Variants in DLG2 observed in about 807,000 individuals in gnomAD.
DLG2 encodes the protein discs large MAGUK scaffold protein 2, also known as disks large homolog 2.
A neutral mutation model predicts 132.5 loss-of-function variants in DLG2; 45 were observed. The ratio of observed to expected loss-of-function variants is 0.34; its 90% confidence interval spans 0.27 to 0.44. The LOEUF is 0.44. Ranked by LOEUF, DLG2 falls within the 20% of genes least tolerant of loss-of-function variation. The pLI, the probability that DLG2 is intolerant of heterozygous loss-of-function variation, is 1.00. For missense variants in DLG2, 1,045 were observed against 1,196.9 expected, an observed-to-expected ratio of 0.87 and a Z score of 1.87; for synonymous variants, 424 against 419.6, an observed-to-expected ratio of 1.01 and a Z score of -0.13.
intron 14 of DLG2, among the ~76,000 whole-genome samples, chr11:83,940,720 CTG>C (rs897325415): frequency 1.3e-5 from 2 of 152,186 alleles, no homozygotes; most frequent in African/African-American, 4.8e-5. Flanking sequence ...AGGAAACAAA[CTG>C]TGATTCTCAC....
intron 7 of DLG2, among the ~76,000 whole-genome samples, chr11:84,414,725 A>C (rs74448840): frequency 0.02 from 2,981 of 152,300 alleles, 29 homozygotes; most frequent in Non-Finnish European, 0.023. Flanking sequence ...ATTTACAAAC[A>C]ATCTCCCAAC....
At chr11:84,711,761 C>T (rs377192682) in intron 6 of DLG2, among the ~76,000 whole-genome samples, 1 of 151,968 alleles carries the variant, frequency 6.6e-6, no homozygotes, top group African/African-American at 2.4e-5. Context: ...GGACAATCTG[C>T]TTTATTGGGT....
chr11:84,451,493 C>A (rs10898237), intron 7 of DLG2, among the ~76,000 whole-genome samples: 58,108 of 151,666 alleles, frequency 0.38, 14,440 homozygotes, highest in African/African-American at 0.71. Context: ...AAAATGAAAG[C>A]GTTCATGATA....
intron 17 of DLG2, among the ~76,000 whole-genome samples, chr11:83,809,088 G>A (rs1030792946): frequency 3.9e-5 from 6 of 152,014 alleles, no homozygotes; most frequent in South Asian, 2.1e-4. Context: ...TTGATTTATC[G>A]TGCTTTATTG....
rs2086521008 is a variant in DLG2 at position 83,715,673 on chromosome 11, T to C, written c.1825+71017A>G. ...CTTCAGACTAAAAATCAAACTCAAC[T>C]GGGCATAACGATTGTTCCGTGATCC... On this transcript the variant is annotated intron_variant, in intron 18 of 27. Transcript: ENST00000376104. Among the ~76,000 whole-genome samples the C allele has an allele frequency of 3.3e-5, 5 of 152,202 alleles. No homozygotes were observed. The South Asian group carries it at 1.0e-3, about 31-fold the overall frequency.
At chr11:84,776,978 T>A (rs979208286) in intron 6 of DLG2, among the ~76,000 whole-genome samples, 1 of 152,072 alleles carries the variant, frequency 6.6e-6, no homozygotes, top group Non-Finnish European at 1.5e-5. Context: ...TCAGGGCTTT[T>A]AGGGTATCCA....
At chr11:84,501,289 G>T (rs2099204089) in intron 7 of DLG2, among the ~76,000 whole-genome samples, 1 of 152,214 alleles carries the variant, frequency 6.6e-6, no homozygotes, top group African/African-American at 2.4e-5. Context: ...AGTAGGCCAG[G>T]CTCAGTGGCT....
chr11:83,635,682 T>A (rs939887859), intron 18 of DLG2, among the ~76,000 whole-genome samples: 1 of 152,182 alleles, frequency 6.6e-6, no homozygotes, highest in African/African-American at 2.4e-5. Flanking sequence ...TTTAATAGTG[T>A]AATTTGGATA....
rs536322508 is a variant in DLG2, at chr11:84,765,078, T to C, written c.358-230347A>G. 7.9e-5 allele frequency among the ~76,000 whole-genome samples: 12 copies of C among 152,274 alleles called. No homozygotes were observed. In the South Asian group the frequency reaches 2.5e-3, roughly 32 times the overall value. ...TGTACCTTTCATATTATTTATTGTA[T>C]ATTACCTTTTAGTATAAATTTAAAC... On this transcript the variant is annotated intron_variant, in intron 6 of 27. Transcript: ENST00000376104.
chr11:84,533,014 A>C (rs927030842), intron 7 of DLG2, among the ~76,000 whole-genome samples: 9 of 152,194 alleles, frequency 5.9e-5, no homozygotes, highest in African/African-American at 1.9e-4. Flanking sequence ...TCTGATTCCT[A>C]AACAGGACCT....
chr11:83,514,649 T>C (rs1371105967), intron 21 of DLG2, among the ~76,000 whole-genome samples: 1 of 152,212 alleles, frequency 6.6e-6, no homozygotes, highest in Non-Finnish European at 1.5e-5. Context: ...CCATTCAGTA[T>C]GATATTGGCT....
chr11:85,349,474 C>T (rs1224925683), intron 3 of DLG2, among the ~76,000 whole-genome samples: 1 of 151,948 alleles, frequency 6.6e-6, no homozygotes, highest in African/African-American at 2.4e-5. Flanking sequence ...AGGTTTGATA[C>T]ATAGGTATAC....
intron 3 of DLG2, among the ~76,000 whole-genome samples, chr11:85,314,828 A>G (rs1354776978): frequency 6.6e-6 from 1 of 152,006 alleles, no homozygotes; most frequent in Non-Finnish European, 1.5e-5. Context: ...GGGAGAAAGG[A>G]GAGATACATT....
intron 6 of DLG2, among the ~76,000 whole-genome samples, chr11:84,840,463 C>G (rs2080481963): frequency 6.6e-6 from 1 of 152,120 alleles, no homozygotes; most frequent in South Asian, 2.1e-4. Context: ...AATAGAAATA[C>G]CATTTGACTC....
intron 8 of DLG2, among the ~76,000 whole-genome samples, chr11:84,222,736 A>G (rs764891993): frequency 6.6e-6 from 1 of 152,160 alleles, no homozygotes. Flanking sequence ...ACTCTCATCA[A>G]TTTATAAAAA....
chr11:85,316,227 T>C (rs1394903302), intron 3 of DLG2, among the ~76,000 whole-genome samples: 1 of 152,010 alleles, frequency 6.6e-6, no homozygotes, highest in East Asian at 1.9e-4. Flanking sequence ...TGAAACTTTG[T>C]TCTAAAATGA....
intron 6 of DLG2, among the ~76,000 whole-genome samples, chr11:84,540,330 TAAAC>T (rs1455010018): frequency 7.1e-6 from 1 of 141,628 alleles, no homozygotes; most frequent in Non-Finnish European, 1.5e-5. Context: ...ACAAAGAACT[TAAAC>T]AAATTTACAA....
chr11:85,622,930 C>T (rs2081822359), intron 2 of DLG2, among the ~76,000 whole-genome samples: 1 of 151,948 alleles, frequency 6.6e-6, no homozygotes, highest in East Asian at 1.9e-4. Context: ...TGGTGGCACG[C>T]ACCTGTAATC....
At chr11:84,260,144 T>C (rs1430417388) in intron 7 of DLG2, among the ~76,000 whole-genome samples, 2 of 152,164 alleles carry the variant, frequency 1.3e-5, no homozygotes, top group Admixed American at 1.3e-4. Flanking sequence ...GTCTTCCCTT[T>C]TTTTTCTAGT....
Sources: allele counts gnomAD v4.1 joint callset (sites outside exome capture counted in the v4.1 genomes callset), GRCh38; gene constraint gnomAD v4.1.1; transcripts MANE v1.5; gene names NCBI Gene and HGNC (gene_info 2026-07-23, HGNC 2026-07-21).